The following GMDS variants were observed in gnomAD, a reference collection of about 807,000 sequenced individuals.
GMDS encodes GDP-mannose 4,6-dehydratase.
GMDS carries 20 observed loss-of-function variants against 49.9 expected under a neutral mutation model. That is an observed-to-expected ratio of 0.40 (90% confidence interval 0.28 to 0.58). The LOEUF (loss-of-function observed/expected upper bound fraction) is 0.58. GMDS is among the 20% of genes least tolerant of loss of function. The probability of loss-of-function intolerance (pLI) is 0.42; values close to 1 mark genes in which losing one functional copy is unlikely to be tolerated. For missense variants in GMDS, 362 were observed against 481.4 expected, an observed-to-expected ratio of 0.75 and a Z score of 2.32; for synonymous variants, 177 against 178.6, an observed-to-expected ratio of 0.99 and a Z score of 0.07.
chr6:2,075,926 C>T (rs1214804990), intron 4 of GMDS, among the ~76,000 whole-genome samples: 3 of 151,908 alleles, frequency 2.0e-5, no homozygotes, highest in East Asian at 1.9e-4. Flanking sequence ...CTGTTGTTTC[C>T]TGACTTTTTA....
chr6:1,716,101 T>C (rs1390709536), intron 9 of GMDS, among the ~76,000 whole-genome samples: 2 of 152,088 alleles, frequency 1.3e-5, no homozygotes, highest in African/African-American at 4.8e-5. Flanking sequence ...CTCAACAAAA[T>C]CCCTGGAAAA....
intron 4 of GMDS, among the ~76,000 whole-genome samples, chr6:2,081,771 T>C (rs1186508778): frequency 6.6e-6 from 1 of 152,102 alleles, no homozygotes; most frequent in East Asian, 1.9e-4. Context: ...AAATTCAGCG[T>C]AGGTGAATGA....
intron 9 of GMDS, among the ~76,000 whole-genome samples, chr6:1,717,261 T>TCTA: frequency 6.6e-6 from 1 of 152,382 alleles, no homozygotes; most frequent in East Asian, 1.9e-4. Context: ...TCAGCAATAG[T>TCTA]AAACCAACAT....
chr6:1,746,186 AAC>A (rs2113504517), intron 7 of GMDS, among the ~76,000 whole-genome samples: 1 of 151,628 alleles, frequency 6.6e-6, no homozygotes, highest in South Asian at 2.1e-4. Context: ...TGACTAGAGA[AAC>A]AGTGTTGAGG....
At chr6:1,772,451 A>G (rs1052563659) in intron 7 of GMDS, among the ~76,000 whole-genome samples, 1 of 152,242 alleles carries the variant, frequency 6.6e-6, no homozygotes, top group Non-Finnish European at 1.5e-5. Context: ...AAAAGGGGCC[A>G]TTAAAGGATT....
chr6:1,771,698 C>T (rs750160262), intron 7 of GMDS, among the ~76,000 whole-genome samples: 2 of 152,174 alleles, frequency 1.3e-5, no homozygotes, highest in African/African-American at 2.4e-5. Context: ...GTGAGATGTT[C>T]GCTGATCTGT....
chr6:2,222,206 T>C (rs1226935126), intron 1 of GMDS, among the ~76,000 whole-genome samples: 1 of 152,172 alleles, frequency 6.6e-6, no homozygotes, highest in Non-Finnish European at 1.5e-5. Flanking sequence ...GTAAGAAGTA[T>C]GATCTGGGAT....
chr6:2,199,991 G>A (rs920905284), intron 1 of GMDS, among the ~76,000 whole-genome samples: 1 of 152,136 alleles, frequency 6.6e-6, no homozygotes, highest in Middle Eastern at 3.2e-3. Flanking sequence ...AAACATTACA[G>A]GATTGTATGT....
At chr6:1,973,433 T>C (rs1270927510) in intron 4 of GMDS, among the ~76,000 whole-genome samples, 3 of 152,174 alleles carry the variant, frequency 2.0e-5, no homozygotes, top group Non-Finnish European at 4.4e-5. Context: ...AGGGACTGAT[T>C]ATATGAGGGG....
At chr6:1,896,076 T>A (rs535499094) in intron 7 of GMDS, among the ~76,000 whole-genome samples, 21 of 152,218 alleles carry the variant, frequency 1.4e-4, no homozygotes, top group Middle Eastern at 6.8e-3. Context: ...CACAAGCAGA[T>A]TGGGGGAGCA....
At chr6:1,687,000 A>G (rs902460677) in intron 9 of GMDS, among the ~76,000 whole-genome samples, 16 of 152,320 alleles carry the variant, frequency 1.1e-4, no homozygotes, top group African/African-American at 3.9e-4. Context: ...TGCATCCCAA[A>G]TAATATTTAC....
chr6:1,663,530 T>C lies in GMDS; in HGVS notation c.988-38990A>G, dbSNP rs550858643. On this transcript the variant is annotated intron_variant, in intron 9 of 10. Transcript: ENST00000380815. Reference sequence around the variant, plus strand: ...TTTCCAAAGGTACCAGTGATGTTTTTGTGAATGCAAGTACACGGCGGCCCT... The same window carrying C: ...TTTCCAAAGGTACCAGTGATGTTTTCGTGAATGCAAGTACACGGCGGCCCT... Among the ~76,000 whole-genome samples the C allele has an allele frequency of 2.0e-5, 3 of 152,332 alleles. No individual in the cohort carries two copies. The East Asian group carries it at 5.8e-4, about 29-fold the overall frequency.
chr6:1,740,796 C>T (rs995621386), intron 8 of GMDS, among the ~76,000 whole-genome samples: 1 of 151,966 alleles, frequency 6.6e-6, no homozygotes, highest in Admixed American at 6.6e-5. Flanking sequence ...CTTCTTGCTT[C>T]CTATCTATAT....
At chr6:1,878,540 G>A (rs567998577) in intron 7 of GMDS, among the ~76,000 whole-genome samples, 4 of 152,112 alleles carry the variant, frequency 2.6e-5, no homozygotes, top group African/African-American at 4.8e-5. Context: ...CATTCATTCC[G>A]GTGGGGCAGG....
intron 7 of GMDS, among the ~76,000 whole-genome samples, chr6:1,864,630 T>C (rs1019054431): frequency 1.3e-5 from 2 of 152,206 alleles, no homozygotes; most frequent in African/African-American, 2.4e-5. Flanking sequence ...TTGCTGGTGA[T>C]GAACTCAGGA....
intron 7 of GMDS, among the ~76,000 whole-genome samples, chr6:1,831,513 T>C (rs1348652687): frequency 6.6e-6 from 1 of 152,194 alleles, no homozygotes; most frequent in African/African-American, 2.4e-5. Context: ...CAATGAGAAT[T>C]ACAATCCCAG....
At position 2,106,674 on chromosome 6, in the gene GMDS, C is replaced by A. The variant is rs1339104960; in HGVS notation, c.345+9097G>T. Among the ~76,000 whole-genome samples, 6 of 152,112 alleles carry A rather than the reference C, an allele frequency of 3.9e-5. No homozygotes were observed. The East Asian group carries it at 9.7e-4, about 25-fold the overall frequency. ...GGTCAGGAGATGGAGACCGGCCTGGCCAACATGGTGAAACCCTGTCTCTAC... is the reference window on the plus strand; with the variant it reads ...GGTCAGGAGATGGAGACCGGCCTGGACAACATGGTGAAACCCTGTCTCTAC... On this transcript the variant is annotated intron_variant, in intron 4 of 10. Coordinates refer to ENST00000380815, the MANE Select transcript of GMDS (RefSeq NM_001500.4).
At chr6:2,003,746 C>T (rs542437428) in intron 4 of GMDS, among the ~76,000 whole-genome samples, 2 of 152,106 alleles carry the variant, frequency 1.3e-5, no homozygotes, top group Non-Finnish European at 2.9e-5. Context: ...AGGATAAAAT[C>T]GTCTCAGAAA....
chr6:1,688,035 T>C (rs982416135), intron 9 of GMDS, among the ~76,000 whole-genome samples: 5 of 152,158 alleles, frequency 3.3e-5, no homozygotes, highest in African/African-American at 1.2e-4. Flanking sequence ...AGGGCAAGAA[T>C]GGAGGCCGTG....
Sources: allele counts gnomAD v4.1 joint callset (sites outside exome capture counted in the v4.1 genomes callset), GRCh38; gene constraint gnomAD v4.1.1; transcripts MANE v1.5; gene names NCBI Gene and HGNC (gene_info 2026-07-23, HGNC 2026-07-21).